HACE1: variants seen among roughly 807,000 people sequenced by gnomAD.
HACE1 encodes HECT domain and ankyrin repeat containing E3 ubiquitin protein ligase 1.
HACE1 carries 73 observed loss-of-function variants against 118.4 expected under a neutral mutation model. The ratio of observed to expected loss-of-function variants is 0.62; its 90% CI spans 0.51 to 0.75. The LOEUF (loss-of-function observed/expected upper bound fraction) is 0.75. HACE1 is among the 30% of genes least tolerant of loss of function. The pLI is 0.00. For synonymous variants in HACE1, 368 were observed against 374.8 expected, an observed-to-expected ratio of 0.98 and a Z score of 0.21; for missense variants, 749 against 1,102.2, an observed-to-expected ratio of 0.68 and a Z score of 4.54.
chr6:104,851,697 A>C (rs1188645392), intron 2 of HACE1, among the ~76,000 whole-genome samples: 2 of 151,294 alleles, frequency 1.3e-5, no homozygotes, highest in African/African-American at 4.8e-5. Context: ...GACAAAAAAC[A>C]TTTTTTAATT....
chr6:104,776,986 T>G (rs1410884154), intron 16 of HACE1, 27 bp downstream of exon 16: 2 of 1,449,028 alleles, frequency 1.4e-6, no homozygotes, highest in Non-Finnish European at 1.9e-6. Context: ...ATACAGTGAT[T>G]TCTACATCAT....
chr6:104,790,006 G>A (rs1004835063), intron 11 of HACE1, among the ~76,000 whole-genome samples: 3 of 151,768 alleles, frequency 2.0e-5, no homozygotes, highest in African/African-American at 2.4e-5. Context: ...GAAGTGGTAC[G>A]TGAAAAGCCA....
chr6:104,859,561 G>C lies in HACE1; in HGVS notation c.76+6C>G, dbSNP rs774984488. ...GCGGCCAGCCTGGCCCCGCGACCCG[G>C]CTCACCCTCGGGCAACTCCACGGTG... On this transcript the variant is annotated splice_donor_region_variant and intron_variant, in intron 1 of 23. Coordinates refer to ENST00000262903, the MANE Select transcript of HACE1 (RefSeq NM_020771.4). The C allele has an allele frequency of 9.2e-6, 14 of 1,516,714 alleles. No homozygotes were observed. The highest frequency in any genetic ancestry group is 1.1e-5 in the Non-Finnish European group (13 of 1,137,980). The allele number at this position is 1,516,714 out of a possible 1,614,324, so 94.0% of individuals were successfully genotyped here.
intron 6 of HACE1, among the ~76,000 whole-genome samples, chr6:104,817,223 G>A (rs1384615515): frequency 6.6e-6 from 1 of 152,130 alleles, no homozygotes; most frequent in African/African-American, 2.4e-5. Flanking sequence ...GTTAGGGGTG[G>A]AATGATATGG....
chr6:104,808,115 G>A (rs1235380698), intron 7 of HACE1, among the ~76,000 whole-genome samples: 2 of 151,928 alleles, frequency 1.3e-5, no homozygotes, highest in African/African-American at 4.8e-5. Flanking sequence ...GAAGCCAGGA[G>A]GCAGAGATTG....
chr6:104,799,588 G>A (rs1311276828), intron 7 of HACE1, among the ~76,000 whole-genome samples: 1 of 152,174 alleles, frequency 6.6e-6, no homozygotes, highest in Non-Finnish European at 1.5e-5. Flanking sequence ...TGGCTCAAGA[G>A]TATAATGGAG....
intron 6 of HACE1, among the ~76,000 whole-genome samples, chr6:104,814,410 T>C (rs1023052849): frequency 2.9e-5 from 4 of 138,528 alleles, no homozygotes; most frequent in Admixed American, 1.4e-4. Flanking sequence ...ATAAATTATA[T>C]GCAGAATTCT....
At chr6:104,803,518 G>C (rs571301760) in intron 7 of HACE1, among the ~76,000 whole-genome samples, 18 of 152,200 alleles carry the variant, frequency 1.2e-4, no homozygotes, top group African/African-American at 4.3e-4. Flanking sequence ...TATCCACCAC[G>C]ATCAAGTCGG....
chr6:104,794,869 G>C (rs1783442845), intron 10 of HACE1, among the ~76,000 whole-genome samples: 1 of 151,894 alleles, frequency 6.6e-6, no homozygotes, highest in African/African-American at 2.4e-5. Context: ...TGTGCTGCCT[G>C]GGTAACAGAG....
In HACE1 at chr6:104,795,653, T is replaced by A; in HGVS notation, c.849A>T (p.Gln283His). Residue 283 changes from glutamine (Q) to histidine (H), a missense_variant, in exon 10 of 24, where the codon CAA becomes CAT. Physicochemically the swap from Gln to His is conservative, Grantham distance 24 (BLOSUM62 0). Transcript: ENST00000262903. Reference protein sequence around the residue: ...LRQVLEHLSQQSESQYLKILT... With the variant: ...LRQVLEHLSQHSESQYLKILT... ...GAATCTTTAGGTACTGGCTTTCACT[T>A]TGCTGAGACAAATGCTCCAGAACTT... The A allele has an allele frequency of 3.1e-6, 5 of 1,613,002 alleles. No individual in the cohort carries two copies. Among genetic ancestry groups the A allele is most frequent in the Non-Finnish European group, 4.2e-6 (5 of 1,179,044 alleles).
At chr6:104,742,460 T>G (rs12183038) in intron 22 of HACE1, among the ~76,000 whole-genome samples, 65,419 of 149,326 alleles carry the variant, frequency 0.44, 16,330 homozygotes, top group African/African-American at 0.71. Flanking sequence ...CAAACAAATT[T>G]ACAAGAAAAA....
chr6:104,804,322 T>C (rs1770745597), intron 7 of HACE1, among the ~76,000 whole-genome samples: 1 of 152,180 alleles, frequency 6.6e-6, no homozygotes, highest in African/African-American at 2.4e-5. Context: ...GCCATCCCCA[T>C]CAAGCAACCA....
At chr6:104,828,874 TTAGC>T (rs1319731815) in intron 6 of HACE1, among the ~76,000 whole-genome samples, 1 of 152,028 alleles carries the variant, frequency 6.6e-6, no homozygotes. Context: ...AATATAGCAT[TTAGC>T]TATATATTCT....
At chr6:104,734,688 C>A (rs1267843251) in intron 22 of HACE1, among the ~76,000 whole-genome samples, 1 of 152,128 alleles carries the variant, frequency 6.6e-6, no homozygotes, top group Non-Finnish European at 1.5e-5. Context: ...GTGGATTTGC[C>A]ACACTTCATA....
intron 5 of HACE1, among the ~76,000 whole-genome samples, chr6:104,836,376 C>A (rs992075905): frequency 6.6e-6 from 1 of 152,062 alleles, no homozygotes; most frequent in Non-Finnish European, 1.5e-5. Flanking sequence ...AATAAAGTTG[C>A]AGTAGGGCAA....
At chr6:104,822,096 C>T (rs958826243) in intron 6 of HACE1, among the ~76,000 whole-genome samples, 74 of 149,354 alleles carry the variant, frequency 5.0e-4, no homozygotes, top group African/African-American at 1.5e-3. Flanking sequence ...GGGCCGGGCG[C>T]GGTGGCTCAC....
intron 5 of HACE1, among the ~76,000 whole-genome samples, chr6:104,836,376 C>T (rs992075905): frequency 2.8e-4 from 42 of 152,180 alleles, no homozygotes; most frequent in African/African-American, 1.0e-3. Context: ...AATAAAGTTG[C>T]AGTAGGGCAA....
chr6:104,820,235 A>T (rs1772566572), intron 6 of HACE1, among the ~76,000 whole-genome samples: 1 of 151,856 alleles, frequency 6.6e-6, no homozygotes, highest in African/African-American at 2.4e-5. Context: ...AAACCATAAA[A>T]CCCTGGAAAA....
At chr6:104,773,331 C>T (rs1440026596) in intron 17 of HACE1, among the ~76,000 whole-genome samples, 1 of 152,084 alleles carries the variant, frequency 6.6e-6, no homozygotes, top group Non-Finnish European at 1.5e-5. Context: ...CAATAATTCA[C>T]TCTGTGTTTC....
Sources: gnomAD v4.1 joint callset for allele counts (sites outside exome capture counted in the v4.1 genomes callset) on GRCh38, gnomAD v4.1.1 for gene constraint, MANE v1.5 for transcripts, NCBI Gene and HGNC (gene_info 2026-07-23, HGNC 2026-07-21) for gene names.